EPB41L4B: variants seen among roughly 807,000 people sequenced by gnomAD.
EPB41L4B encodes erythrocyte membrane protein band 4.1 like 4B.
In EPB41L4B, 30 loss-of-function variants were observed where a neutral mutation model predicts 112.5. The ratio of observed to expected loss-of-function variants is 0.27; its 90% CI spans 0.20 to 0.36. EPB41L4B has a LOEUF of 0.36. Ranked by LOEUF, EPB41L4B falls within the 10% of genes least tolerant of loss-of-function variation. The pLI is 1.00. For synonymous variants in EPB41L4B, 408 were observed against 439.7 expected, an observed-to-expected ratio of 0.93 and a Z score of 0.90; for missense variants, 1,024 against 1,133.3, an observed-to-expected ratio of 0.90 and a Z score of 1.38.
intron 22 of EPB41L4B, among the ~76,000 whole-genome samples, chr9:109,191,762 A>C (rs528180637): frequency 6.6e-6 from 1 of 151,810 alleles, no homozygotes; most frequent in South Asian, 2.1e-4. Flanking sequence ...CAGGCCCTTT[A>C]CTTGTTCCCT....
At chr9:109,226,752 AAGAAT>A (rs1366093021) in intron 15 of EPB41L4B, among the ~76,000 whole-genome samples, 3 of 73,356 alleles carry the variant, frequency 4.1e-5, no homozygotes, top group East Asian at 3.9e-4. Context: ...TATATATATG[AAGAAT>A]ATATATATAT....
chr9:109,220,045 C>A (rs558694734), intron 15 of EPB41L4B, among the ~76,000 whole-genome samples: 1 of 152,318 alleles, frequency 6.6e-6, no homozygotes, highest in South Asian at 2.1e-4. Context: ...TCCAGCCACA[C>A]CTGAAGCTGG....
intron 24 of EPB41L4B, among the ~76,000 whole-genome samples, chr9:109,181,562 C>A (rs542511383): frequency 3.9e-4 from 60 of 152,282 alleles, no homozygotes; most frequent in Non-Finnish European, 7.6e-4. Context: ...AGGGGGCAGG[C>A]ATGGTGGCTC....
intron 1 of EPB41L4B, among the ~76,000 whole-genome samples, chr9:109,282,257 C>G (rs1239979022): frequency 6.6e-6 from 1 of 151,932 alleles, no homozygotes; most frequent in Non-Finnish European, 1.5e-5. Flanking sequence ...GGGACGACAG[C>G]TAAGGGGAGT....
chr9:109,258,090 A>G, intron 7 of EPB41L4B, 87 bp downstream of exon 7: 1 of 1,456,644 alleles, frequency 6.9e-7, no homozygotes, highest in Non-Finnish European at 9.3e-7. Flanking sequence ...CAACAGAACA[A>G]TTCTACTGGT....
chr9:109,305,677 C>A (rs1837160386), intron 1 of EPB41L4B, among the ~76,000 whole-genome samples: 1 of 151,920 alleles, frequency 6.6e-6, no homozygotes, highest in South Asian at 2.1e-4. Flanking sequence ...AATCCTAGCA[C>A]TTTGGGAGGC....
intron 6 of EPB41L4B, among the ~76,000 whole-genome samples, chr9:109,259,126 C>T (rs1205295386): frequency 6.6e-6 from 1 of 152,092 alleles, no homozygotes; most frequent in Non-Finnish European, 1.5e-5. Flanking sequence ...GACCACACAC[C>T]AATAGTACTG....
intron 1 of EPB41L4B, among the ~76,000 whole-genome samples, chr9:109,290,087 T>C (rs1175702090): frequency 2.0e-5 from 3 of 152,172 alleles, no homozygotes; most frequent in Non-Finnish European, 2.9e-5. Context: ...TGCACACAGT[T>C]GTACCACATG....
chr9:109,183,479 G>C (rs770093363), intron 23 of EPB41L4B, among the ~76,000 whole-genome samples: 17 of 152,178 alleles, frequency 1.1e-4, no homozygotes, highest in Non-Finnish European at 2.2e-4. Context: ...AAAAAGGCCA[G>C]ACGAACAGCT....
chr9:109,190,093 G>C (rs879404041), intron 22 of EPB41L4B, among the ~76,000 whole-genome samples: 2 of 152,008 alleles, frequency 1.3e-5, no homozygotes, highest in Non-Finnish European at 2.9e-5. Flanking sequence ...ATACTACCAC[G>C]CTCGGCTAGG....
intron 19 of EPB41L4B, among the ~76,000 whole-genome samples, chr9:109,201,012 A>G (rs1043634175): frequency 6.6e-6 from 1 of 152,200 alleles, no homozygotes; most frequent in Non-Finnish European, 1.5e-5. Context: ...GACTAATTTC[A>G]TTTTTAAAAA....
At chr9:109,179,342 AGGTCTGGAGGCCT>A (rs1194639030) in intron 24 of EPB41L4B, among the ~76,000 whole-genome samples, 2 of 152,220 alleles carry the variant, frequency 1.3e-5, no homozygotes, top group Non-Finnish European at 2.9e-5. Context: ...TCGCCAGGAT[AGGTCTGGAGGCCT>A]GTGGAGAGGC....
chr9:109,279,217 A>G (rs543829364), intron 2 of EPB41L4B, among the ~76,000 whole-genome samples: 274 of 145,066 alleles, frequency 1.9e-3, no homozygotes, highest in Admixed American at 6.1e-3. Context: ...TTTTTTTCAG[A>G]CAGGGTCTTA....
At chr9:109,279,481 T>G (rs548703103) in intron 2 of EPB41L4B, among the ~76,000 whole-genome samples, 1 of 152,304 alleles carries the variant, frequency 6.6e-6, no homozygotes, top group Non-Finnish European at 1.5e-5. Context: ...CCTCCCAAAG[T>G]GCTGGGATTA....
At chr9:109,305,640 AG>A (rs1291886131) in intron 1 of EPB41L4B, among the ~76,000 whole-genome samples, 2 of 151,342 alleles carry the variant, frequency 1.3e-5, no homozygotes, top group African/African-American at 4.9e-5. Context: ...TAAAAATAAA[AG>A]GCCAGGCGTG....
At chr9:109,211,906 G>GGT (rs145728208) in intron 17 of EPB41L4B, among the ~76,000 whole-genome samples, 1 of 145,612 alleles carries the variant, frequency 6.9e-6, no homozygotes, top group Non-Finnish European at 1.5e-5. Context: ...AGTAGAGATG[G>GGT]GGGGGGTCTC....
chr9:109,281,366 T>G (rs1836030437), intron 1 of EPB41L4B, among the ~76,000 whole-genome samples: 1 of 152,004 alleles, frequency 6.6e-6, no homozygotes, highest in Admixed American at 6.6e-5. Flanking sequence ...GAAATGCAAA[T>G]CAAAATTACA....
intron 4 of EPB41L4B, among the ~76,000 whole-genome samples, chr9:109,266,106 G>A (rs969068602): frequency 3.3e-5 from 5 of 152,196 alleles, no homozygotes; most frequent in African/African-American, 4.8e-5. Flanking sequence ...CATCTCACAA[G>A]AGACACAGTA....
chr9:109,257,911 C>T (rs1181681111), intron 7 of EPB41L4B, among the ~76,000 whole-genome samples: 3 of 152,160 alleles, frequency 2.0e-5, no homozygotes, highest in African/African-American at 7.2e-5. Flanking sequence ...AGGAGGATTG[C>T]TTGAGCATTG....
Sources: allele counts gnomAD v4.1 joint callset (sites outside exome capture counted in the v4.1 genomes callset), GRCh38; gene constraint gnomAD v4.1.1; transcripts MANE v1.5; gene names NCBI Gene and HGNC (gene_info 2026-07-23, HGNC 2026-07-21).